The following CYFIP1 variants were observed in gnomAD, a reference collection of about 807,000 sequenced individuals.
CYFIP1 encodes the protein cytoplasmic FMR1-interacting protein 1.
CYFIP1 carries 58 observed loss-of-function variants against 163.5 expected under a neutral mutation model. That is an observed-to-expected ratio of 0.35 (90% confidence interval 0.29 to 0.44). The LOEUF (loss-of-function observed/expected upper bound fraction) is 0.44, where lower values mean the gene tolerates loss of function less well. Among genes scored for constraint, CYFIP1 ranks in the 20% least tolerant of loss-of-function variants. The probability of loss-of-function intolerance (pLI) is 1.00; values close to 1 mark genes in which losing one functional copy is unlikely to be tolerated. For missense variants in CYFIP1, 1,338 were observed against 1,653.8 expected (o/e 0.81, Z 3.31); for synonymous variants, 663 against 660.7 (o/e 1.00, Z -0.05).
rs2060987125 is a variant in CYFIP1 at position 22,916,471 on chromosome 15, T to G, written c.1828+6A>C. 3.8e-6 allele frequency: 6 copies of G among 1,594,198 alleles called. No homozygotes were observed. Among genetic ancestry groups the G allele is most frequent in the Non-Finnish European group, 3.4e-6 (4 of 1,163,162 alleles). On this transcript the variant is annotated splice_donor_region_variant and intron_variant, in intron 16 of 30. Coordinates refer to ENST00000617928, the MANE Select transcript of CYFIP1 (RefSeq NM_014608.6). Reference sequence around the variant, plus strand: ...AGGCCGGATGCTGCTCAGCAGTATCTCTTACCACTGAAATTTATCAAGTGA... The same window carrying G: ...AGGCCGGATGCTGCTCAGCAGTATCGCTTACCACTGAAATTTATCAAGTGA...
chr15:22,943,474 TC>T, intron 5 of CYFIP1, 120 bp from the exon 6 acceptor site: 1 of 1,126,056 alleles, frequency 8.9e-7, no homozygotes, highest in Non-Finnish European at 1.3e-6. Flanking sequence ...CCAGTGAGGC[TC>T]CAGGCCGAAG....
Position 22,867,246 on chromosome 15 carries a change from CAG to C in CYFIP1, c.*2780_*2781del, listed in dbSNP as rs552579436. On this transcript the variant is annotated 3_prime_UTR_variant, in exon 31 of 31. Transcript: ENST00000617928. The stretch of plus-strand genomic sequence containing the variant: ...GTAAGGCTTTTTTATTTTAAAAAAA[CAG>C]AGTTATCCCAATACATTATCCTGTG... The C allele has an allele frequency of 5.0e-5, 20 of 403,986 alleles. No individual in the cohort carries two copies. The highest frequency in any genetic ancestry group is 8.5e-5 in the Admixed American group (2 of 23,534). 25.0% of individuals were successfully genotyped at this position (403,986 alleles called of 1,614,324 possible). A position where few individuals can be genotyped will look rare whatever the true frequency, so the allele number is the denominator to read the frequency against.
intron 30 of CYFIP1, among the ~76,000 whole-genome samples, chr15:22,870,616 A>ATACC (rs1477618149): frequency 6.6e-6 from 1 of 152,188 alleles, no homozygotes; most frequent in Admixed American, 6.5e-5. Context: ...TCCCAGCCAC[A>ATACC]TACCATCTCT....
rs2059328557 is a variant in CYFIP1 at position 22,868,737 on chromosome 15, G to GAAAA, written c.*1287_*1290dup. 6.6e-6 allele frequency: 1 copy of GAAAA among 152,168 alleles called. No individual in the cohort carries two copies. The highest frequency in any genetic ancestry group is 6.5e-5 in the Admixed American group (1 of 15,276). The allele number at this position is 152,168 out of a possible 1,614,324, so 9.4% of individuals were successfully genotyped here. ...TCTGGACAGTTTCCAAAGGCCTCCG[G>GAAAA]AAAAGTAGGCGAGGCCTGCTTTTTA... On this transcript the variant is annotated 3_prime_UTR_variant, in exon 31 of 31. Coordinates refer to ENST00000617928, the MANE Select transcript of CYFIP1 (RefSeq NM_014608.6).
chr15:22,894,138 G>A lies in CYFIP1; in HGVS notation c.2589-1161C>T, dbSNP rs148051233. Among the ~76,000 whole-genome samples the A allele has an allele frequency of 2.5e-3, 378 of 152,180 alleles. 1 individual carries two copies. The highest frequency in any genetic ancestry group is 8.8e-3 in the African/African-American group (366 of 41,520). ...GATGGTGACACACCTGCAAAGCTAC[G>A]GCACACACGTCAGCCTCCGTCCACC... On this transcript the variant is annotated intron_variant, in intron 22 of 30. Transcript: ENST00000617928.
intron 17 of CYFIP1, among the ~76,000 whole-genome samples, chr15:22,914,184 C>A (rs1034965419): frequency 4.6e-5 from 7 of 152,118 alleles, no homozygotes; most frequent in African/African-American, 1.7e-4. Context: ...CCACAGGGCT[C>A]CCGCAAGGCA....
rs553984643 is a variant in CYFIP1, at chr15:22,928,070, C to A, written c.1111-42G>T. 88 of 1,454,380 alleles carry A rather than the reference C, an allele frequency of 6.1e-5. 2 individuals are homozygous for A. Among genetic ancestry groups the A allele is most frequent in the African/African-American group, 5.8e-4 (40 of 68,540 alleles). 90.1% of individuals were successfully genotyped at this position (1,454,380 alleles called of 1,614,324 possible). ...CGGCCCCGTGAGAAACCAGCGCCCC[C>A]ACCCAGCTCCCCCCATCCCGGGATC... On this transcript the variant is annotated intron_variant, in intron 11 of 30. Transcript: ENST00000617928.
rs561357920 is a variant in CYFIP1, at chr15:22,933,410, G to T, written c.992+392C>A. On this transcript the variant is annotated intron_variant, in intron 10 of 30. Transcript: ENST00000617928. ...GCTCACTGCAAGCTCCGCCTCCCAGGTTCATGCCATTCTCCTACCTCAGCC... is the reference window on the plus strand; with the variant it reads ...GCTCACTGCAAGCTCCGCCTCCCAGTTTCATGCCATTCTCCTACCTCAGCC... 2.6e-5 allele frequency among the ~76,000 whole-genome samples: 4 copies of T among 151,468 alleles called. No individual in the cohort carries two copies. The East Asian group carries it at 7.8e-4, about 30-fold the overall frequency.
intron 11 of CYFIP1, among the ~76,000 whole-genome samples, chr15:22,930,205 C>A (rs547093071): frequency 4.7e-4 from 70 of 150,348 alleles, no homozygotes; most frequent in East Asian, 4.3e-3. Flanking sequence ...ACACAAAAAA[C>A]ACACACAAAA....
At chr15:22,946,501 C>T (rs763289161) in intron 3 of CYFIP1, among the ~76,000 whole-genome samples, 3 of 152,006 alleles carry the variant, frequency 2.0e-5, no homozygotes, top group East Asian at 3.9e-4. Flanking sequence ...ATTAGCTGGG[C>T]GTAGTGGTGG....
At chr15:22,937,381 G>A (rs542192283) in intron 8 of CYFIP1, among the ~76,000 whole-genome samples, 173 bp from the exon 9 acceptor site, 1 of 152,208 alleles carries the variant, frequency 6.6e-6, no homozygotes, top group African/African-American at 2.4e-5. Flanking sequence ...TTTATCCTCA[G>A]TGAAACTGGG....
At chr15:22,903,990 T>A in intron 21 of CYFIP1, 85 bp from the exon 22 acceptor site, 1 of 1,279,822 alleles carries the variant, frequency 7.8e-7, no homozygotes, top group Non-Finnish European at 1.1e-6. Context: ...CACCCAGGCC[T>A]CACAGTCCCT....
intron 1 of CYFIP1, among the ~76,000 whole-genome samples, chr15:22,971,256 A>G (rs538720553): frequency 9.2e-5 from 14 of 152,344 alleles, no homozygotes; most frequent in African/African-American, 3.4e-4. Context: ...CAGAATTAAT[A>G]GACCAGGTGC....
intron 28 of CYFIP1, among the ~76,000 whole-genome samples, chr15:22,874,211 C>G (rs961969747): frequency 3.9e-5 from 6 of 152,236 alleles, no homozygotes; most frequent in Non-Finnish European, 8.8e-5. Context: ...CTGTAGAACT[C>G]TACCCTGACA....
chr15:22,968,659 A>G (rs534834505), intron 1 of CYFIP1, among the ~76,000 whole-genome samples: 2 of 152,266 alleles, frequency 1.3e-5, no homozygotes, highest in East Asian at 3.9e-4. Context: ...AGAAAACACA[A>G]CTTGTGCATA....
chr15:22,926,419 C>A (rs1200011177), intron 12 of CYFIP1, among the ~76,000 whole-genome samples: 1 of 152,096 alleles, frequency 6.6e-6, no homozygotes, highest in Non-Finnish European at 1.5e-5. Context: ...ATGCCTATGA[C>A]CCCAGCACTT....
intron 1 of CYFIP1, among the ~76,000 whole-genome samples, chr15:22,956,620 C>T (rs554475529): frequency 1.3e-4 from 19 of 151,900 alleles, no homozygotes; most frequent in Non-Finnish European, 2.2e-4. Flanking sequence ...GCTCTGGAGA[C>T]GGGGCATCTC....
At chr15:22,922,363 A>C (rs1051285421) in intron 13 of CYFIP1, among the ~76,000 whole-genome samples, 4 of 152,228 alleles carry the variant, frequency 2.6e-5, no homozygotes, top group Non-Finnish European at 5.9e-5. Flanking sequence ...CTGGTGAGCC[A>C]CAATTTGTGT....
chr15:22,891,905 C>A (rs984155860), intron 23 of CYFIP1, among the ~76,000 whole-genome samples: 17 of 152,338 alleles, frequency 1.1e-4, no homozygotes, highest in Middle Eastern at 3.4e-3. Context: ...AGCGTGTGAG[C>A]GGCAGGGCCT....
Sources: allele counts gnomAD v4.1 joint callset (sites outside exome capture counted in the v4.1 genomes callset), GRCh38; gene constraint gnomAD v4.1.1; transcripts MANE v1.5; gene names NCBI Gene and HGNC (gene_info 2026-07-23, HGNC 2026-07-21).